The following TEAD4 variants were observed in gnomAD, a reference collection of about 807,000 sequenced individuals.
The protein encoded by TEAD4 is TEA domain transcription factor 4, also known as transcriptional enhancer factor TEF-3.
A neutral mutation model predicts 52.4 loss-of-function variants in TEAD4; 36 were observed. The ratio of observed to expected loss-of-function variants is 0.69; its 90% confidence interval spans 0.53 to 0.91. TEAD4 has a LOEUF of 0.91. Among genes scored for constraint, TEAD4 ranks in the 40% least tolerant of loss-of-function variants. The pLI is 0.00. For missense variants in TEAD4, 508 were observed against 583.9 expected (o/e 0.87, Z 1.34); for synonymous variants, 220 against 231.0 (o/e 0.95, Z 0.43).
intron 2 of TEAD4, among the ~76,000 whole-genome samples, chr12:2,986,011 G>A (rs571736275): frequency 1.6e-4 from 25 of 151,998 alleles, no homozygotes; most frequent in Middle Eastern, 6.8e-3. Flanking sequence ...GCTTGAACCC[G>A]GGAGGCAGAG....
At chr12:2,983,691 C>G (rs753624891) in intron 2 of TEAD4, among the ~76,000 whole-genome samples, 1 of 152,198 alleles carries the variant, frequency 6.6e-6, no homozygotes, top group African/African-American at 2.4e-5. Context: ...TCTGGTATGC[C>G]AAAATCCAGA....
At chr12:3,027,107 T>G (rs937554846) in intron 10 of TEAD4, among the ~76,000 whole-genome samples, 3 of 152,116 alleles carry the variant, frequency 2.0e-5, no homozygotes, top group Non-Finnish European at 4.4e-5. Context: ...TTCTCCTGCC[T>G]CAGCCTCCCA....
chr12:3,003,603 G>T (rs1017011118), intron 3 of TEAD4, among the ~76,000 whole-genome samples: 10 of 152,260 alleles, frequency 6.6e-5, no homozygotes, highest in African/African-American at 2.4e-4. Flanking sequence ...CAGCCTTTAG[G>T]CCAAGGCTCC....
chr12:3,020,676 C>G lies in TEAD4; in HGVS notation c.626C>G (p.Pro209Arg). ...GGGCCCGCCCCATCGCCCTCTGCGC[C>G]CCCGGCACCCCCATGGCAGGGCCGC... is the stretch of plus-strand genomic sequence containing the variant. Residue 209 changes from proline to arginine, a missense_variant, in exon 9 of 13, where the codon CCC becomes CGC. Coordinates refer to ENST00000359864, the MANE Select transcript of TEAD4 (RefSeq NM_003213.4). 6.2e-7 allele frequency: 1 copy of G among 1,604,770 alleles called. No individual in the cohort carries two copies.
intron 2 of TEAD4, among the ~76,000 whole-genome samples, chr12:2,970,329 C>T (rs549956718): frequency 3.3e-5 from 5 of 152,160 alleles, no homozygotes; most frequent in African/African-American, 7.2e-5. Context: ...CCAGCCAGCC[C>T]GCCTGGGTTT....
chr12:3,010,337 GGCGTAGCA>G (rs1260148702), intron 3 of TEAD4, among the ~76,000 whole-genome samples: 1 of 152,238 alleles, frequency 6.6e-6, no homozygotes, highest in Non-Finnish European at 1.5e-5. Context: ...GGATGCTTCA[GGCGTAGCA>G]GCAGTCCCTC....
intron 2 of TEAD4, among the ~76,000 whole-genome samples, chr12:2,982,211 G>A (rs555990220): frequency 3.3e-5 from 5 of 152,164 alleles, no homozygotes; most frequent in Non-Finnish European, 4.4e-5. Context: ...ACTGTTCTGA[G>A]TATTAGGGAG....
intron 2 of TEAD4, among the ~76,000 whole-genome samples, chr12:2,976,358 C>CA (rs1555120659): frequency 6.0e-3 from 35 of 5,872 alleles, no homozygotes; most frequent in Non-Finnish European, 0.015. Context: ...CACCCTGCCC[C>CA]CTCCCAACCT....
intron 3 of TEAD4, 50 bp from the exon 4 acceptor site, chr12:3,010,954 T>G: frequency 6.2e-7 from 1 of 1,610,508 alleles, no homozygotes. Context: ...CCTCACTGCT[T>G]CCAGCCTTTT....
chr12:3,001,292 G>A (rs1360063169), intron 3 of TEAD4, among the ~76,000 whole-genome samples: 1 of 152,174 alleles, frequency 6.6e-6, no homozygotes, highest in African/African-American at 2.4e-5. Flanking sequence ...ACAGGTCAGT[G>A]GCATTAAGTA....
chr12:2,971,959 C>T (rs1047299617), intron 2 of TEAD4, among the ~76,000 whole-genome samples: 5 of 149,456 alleles, frequency 3.3e-5, no homozygotes, highest in Non-Finnish European at 5.9e-5. Context: ...ATTACAGGCA[C>T]GTGTCATGAT....
At chr12:3,013,549 C>A (rs767971953) in intron 5 of TEAD4, among the ~76,000 whole-genome samples, 1 of 152,138 alleles carries the variant, frequency 6.6e-6, no homozygotes, top group African/African-American at 2.4e-5. Context: ...GCCTGGCCAA[C>A]ATGGTGAAAC....
intron 2 of TEAD4, among the ~76,000 whole-genome samples, chr12:2,992,585 G>A (rs1002676327): frequency 2.0e-5 from 3 of 152,190 alleles, no homozygotes; most frequent in Admixed American, 2.0e-4. Flanking sequence ...CCACTTCAGA[G>A]GATCCGAGGT....
intron 3 of TEAD4, among the ~76,000 whole-genome samples, chr12:3,009,586 A>G (rs2098258613): frequency 6.6e-6 from 1 of 152,174 alleles, no homozygotes; most frequent in East Asian, 1.9e-4. Flanking sequence ...TCATTCACCC[A>G]CCGGTGATGA....
chr12:2,968,396 T>TCC (rs2098222315), intron 2 of TEAD4, among the ~76,000 whole-genome samples: 1 of 119,716 alleles, frequency 8.4e-6, no homozygotes, highest in Non-Finnish European at 1.7e-5. Context: ...TTTTTTTTTT[T>TCC]TTTTTTTTTT....
At chr12:3,033,101 C>T (rs1011695134) in intron 10 of TEAD4, among the ~76,000 whole-genome samples, 1 of 152,212 alleles carries the variant, frequency 6.6e-6, no homozygotes, top group Admixed American at 6.5e-5. Flanking sequence ...GTCCTGGCTC[C>T]CAGGCCCTGA....
intron 2 of TEAD4, among the ~76,000 whole-genome samples, chr12:2,963,965 CA>C (rs1409030675): frequency 1.3e-5 from 2 of 152,100 alleles, no homozygotes; most frequent in Admixed American, 6.5e-5. Flanking sequence ...GAGGAGTCAC[CA>C]GGGGCAGGAA....
intron 10 of TEAD4, among the ~76,000 whole-genome samples, chr12:3,025,248 T>G (rs9783489): frequency 1.3e-5 from 2 of 152,122 alleles, no homozygotes; most frequent in African/African-American, 4.8e-5. Flanking sequence ...GGCCTGAGCA[T>G]GTTATTCTCT....
chr12:3,038,360 C>G (rs1050157697), intron 11 of TEAD4, among the ~76,000 whole-genome samples: 1 of 152,250 alleles, frequency 6.6e-6, no homozygotes, highest in Non-Finnish European at 1.5e-5. Flanking sequence ...CCCCGGTCCT[C>G]TCCAAGAGCA....
Sources: allele counts gnomAD v4.1 joint callset (sites outside exome capture counted in the v4.1 genomes callset), GRCh38; gene constraint gnomAD v4.1.1; transcripts MANE v1.5; gene names NCBI Gene and HGNC (gene_info 2026-07-23, HGNC 2026-07-21).